Variants in PSG11 observed in about 807,000 individuals in gnomAD.
PSG11 encodes the protein pregnancy-specific beta-1-glycoprotein 11.
PSG11 carries 42 observed loss-of-function variants against 36.0 expected under a neutral mutation model. That is an observed-to-expected ratio of 1.17 (90% CI 0.91 to 1.51). PSG11 has a LOEUF of 1.51. PSG11 is among the 40% of genes most tolerant of loss of function. The probability of loss-of-function intolerance (pLI) is 0.00; values close to 1 mark genes in which losing one functional copy is unlikely to be tolerated. For missense variants in PSG11, 558 were observed against 403.5 expected (o/e 1.38, Z -3.28); for synonymous variants, 206 against 153.5 (o/e 1.34, Z -2.53).
At chr19:43,017,681 C>T (rs1438869930) in intron 3 of PSG11, 1 of 151,354 alleles carries the variant, frequency 6.6e-6, no homozygotes, top group Admixed American at 6.6e-5. Context: ...TGCATTGAAT[C>T]TGCAACTCAC....
intron 5 of PSG11, among the ~76,000 whole-genome samples, chr19:43,009,488 A>G (rs1035338227): frequency 6.6e-6 from 1 of 151,268 alleles, no homozygotes; most frequent in Non-Finnish European, 1.5e-5. Context: ...AAGAAATGTG[A>G]ACTTATCAAA....
chr19:43,009,711 G>C (rs1974024346), intron 5 of PSG11, among the ~76,000 whole-genome samples: 1 of 151,338 alleles, frequency 6.6e-6, no homozygotes, highest in East Asian at 1.9e-4. Context: ...ATGTGAAATT[G>C]TGTTTCTCAT....
chr19:43,010,663 G>A, intron 4 of PSG11: 3 of 233,194 alleles, frequency 1.3e-5, no homozygotes, highest in Non-Finnish European at 1.7e-5. Context: ...AATCAGCTCT[G>A]CATAGTGGTC....
At chr19:43,017,152 T>A (rs893323709) in intron 3 of PSG11, 9 of 151,090 alleles carry the variant, frequency 6.0e-5, no homozygotes, top group African/African-American at 2.2e-4. Flanking sequence ...AGTTGGGGAG[T>A]TTCTAGAGAT....
At chr19:43,021,259 T>C (rs1967094878) in intron 2 of PSG11, among the ~76,000 whole-genome samples, 1 of 151,512 alleles carries the variant, frequency 6.6e-6, no homozygotes, top group Non-Finnish European at 1.5e-5. Context: ...GTTTCAGTTT[T>C]GGAAATTTCT....
At position 43,019,024 on chromosome 19, in the gene PSG11, G is replaced by A. The variant is rs1394273182; in HGVS notation, c.455C>T (p.Ser152Phe). The change falls in exon 3 of 6, where the codon TCC becomes TTC. Residue 152 changes from serine (S) to phenylalanine (F), a missense_variant. Physicochemically the swap from Ser to Phe is radical, Grantham distance 155. Transcript: ENST00000320078. Reference sequence around the variant, plus strand: ...CTCCCTGGGGTTTAAGTTGCTGCTGGAGATGGAGGGCTTGGGAGTCTCCAC... The same window carrying A: ...CTCCCTGGGGTTTAAGTTGCTGCTGAAGATGGAGGGCTTGGGAGTCTCCAC... ...LYLETPKPSISSSNLNPREAM... is the reference protein window; with the variant it reads ...LYLETPKPSIFSSNLNPREAM... 6.2e-7 allele frequency: 1 copy of A among 1,611,926 alleles called. No homozygotes were observed. The highest frequency in any genetic ancestry group is 8.5e-7 in the Non-Finnish European group (1 of 1,179,064).
chr19:43,021,230 A>G (rs1967094361), intron 2 of PSG11, among the ~76,000 whole-genome samples: 1 of 150,248 alleles, frequency 6.7e-6, no homozygotes, highest in Non-Finnish European at 1.5e-5. Flanking sequence ...TTTTTTCCCT[A>G]CTCTTTTTGG....
At chr19:43,016,670 T>G (rs1188717898) in intron 3 of PSG11, among the ~76,000 whole-genome samples, 2 of 151,404 alleles carry the variant, frequency 1.3e-5, no homozygotes, top group Non-Finnish European at 2.9e-5. Flanking sequence ...GATGACTTAC[T>G]TGAACCAGTG....
rs769418031 is a variant in PSG11 at position 43,026,298 on chromosome 19, T to C, written c.64+11A>G. On this transcript the variant is annotated intron_variant, in intron 1 of 5. Coordinates refer to ENST00000320078, the MANE Select transcript of PSG11 (RefSeq NM_002785.3). ...CTCCTCCTGTCCTCTCCCAGGAAGT[T>C]CTCTCCTCACCTGTGAGCAGGAGCC... 3.1e-6 allele frequency: 5 copies of C among 1,610,312 alleles called. No individual in the cohort carries two copies. The highest frequency in any genetic ancestry group is 1.1e-5 in the South Asian group (1 of 90,858).
chr19:43,015,650 C>G (rs527328385), intron 3 of PSG11: 6 of 1,525,132 alleles, frequency 3.9e-6, no homozygotes, highest in South Asian at 2.6e-5. Context: ...GTCATGGCCA[C>G]CTCGGATGTC....
At chr19:43,011,584 T>G (rs1379529655) in intron 4 of PSG11, among the ~76,000 whole-genome samples, 1 of 151,218 alleles carries the variant, frequency 6.6e-6, no homozygotes, top group Non-Finnish European at 1.5e-5. Flanking sequence ...TTAAAATTAC[T>G]CAAATCAGAA....
intron 2 of PSG11, among the ~76,000 whole-genome samples, chr19:43,021,591 C>G (rs1431450401): frequency 6.6e-6 from 1 of 151,336 alleles, no homozygotes; most frequent in Non-Finnish European, 1.5e-5. Flanking sequence ...GACCTTGTGC[C>G]TGCCCCAGTC....
intron 2 of PSG11, among the ~76,000 whole-genome samples, chr19:43,021,503 C>G (rs1172904854): frequency 4.0e-5 from 6 of 151,286 alleles, no homozygotes; most frequent in Non-Finnish European, 8.8e-5. Context: ...AGGTGCCCAC[C>G]ACCATGCCCA....
In PSG11 at chr19:43,024,638, T is replaced by C. The variant is rs199866948; in HGVS notation, c.430+53A>G. ...AGGCCTGACAATCCTGTGTGTGTGA[T>C]GTAGAAGTGACCCCTGTCCCCCAAC... On this transcript the variant is annotated intron_variant, in intron 2 of 5. Coordinates refer to ENST00000320078, the MANE Select transcript of PSG11 (RefSeq NM_002785.3). 3.1e-6 allele frequency: 5 copies of C among 1,608,950 alleles called. No homozygotes were observed. In the South Asian group the frequency reaches 5.5e-5, roughly 18 times the overall value.
chr19:43,018,768 A>G lies in PSG11; in HGVS notation c.709+2T>C, dbSNP rs777159740. ...GCTCACAGAGGAACAGAAGATACTC[A>G]CGGAGGAGATTCAGGGTGACTGGGT... On this transcript the variant is annotated splice_donor_variant, in intron 3 of 5. Coordinates refer to ENST00000320078, the MANE Select transcript of PSG11 (RefSeq NM_002785.3). LOFTEE classifies it high-confidence loss of function. 5.0e-6 allele frequency: 8 copies of G among 1,611,968 alleles called. No individual in the cohort carries two copies. Among genetic ancestry groups the G allele is most frequent in the Non-Finnish European group, 6.8e-6 (8 of 1,179,046 alleles).
intron 3 of PSG11, among the ~76,000 whole-genome samples, chr19:43,017,917 G>A (rs187106647): frequency 1.3e-5 from 2 of 151,402 alleles, no homozygotes; most frequent in Admixed American, 1.3e-4. Context: ...ATTGTTCATT[G>A]TTAGTGTATA....
At chr19:43,018,285 G>T (rs1967014885) in intron 3 of PSG11, 2 of 202,606 alleles carry the variant, frequency 9.9e-6, no homozygotes, top group Admixed American at 1.0e-4. Flanking sequence ...CAGTGGGTGA[G>T]TGTCTATGAG....
chr19:43,012,735 G>A (rs1181767453), intron 4 of PSG11, among the ~76,000 whole-genome samples: 1 of 151,418 alleles, frequency 6.6e-6, no homozygotes, highest in African/African-American at 2.4e-5. Flanking sequence ...TGGATTCAAT[G>A]CAATTCCTTC....
At chr19:43,025,725 T>G (rs1967231472) in intron 1 of PSG11, among the ~76,000 whole-genome samples, 1 of 149,778 alleles carries the variant, frequency 6.7e-6, no homozygotes, top group Non-Finnish European at 1.5e-5. Flanking sequence ...TTTATTTTTA[T>G]TTGTAGTGTC....
Sources: gnomAD v4.1 joint callset for allele counts (sites outside exome capture counted in the v4.1 genomes callset) on GRCh38, gnomAD v4.1.1 for gene constraint, MANE v1.5 for transcripts, NCBI Gene and HGNC (gene_info 2026-07-23, HGNC 2026-07-21) for gene names.